Variants in NBPF8 observed in about 807,000 individuals in gnomAD.
NBPF8 encodes the protein NBPF family member NBPF8.
At chr1:120,433,740 A>T (rs1350595856), upstream of NBPF8, 297 of 195,640 alleles carry the variant, frequency 1.5e-3, no homozygotes, top group Middle Eastern at 6.3e-3. Flanking sequence ...GCCCATCAGC[A>T]GGCCTAGCGT....
downstream of NBPF8, among the ~76,000 whole-genome samples, chr1:120,468,107 CT>C (rs1661794878): frequency 6.6e-6 from 1 of 151,178 alleles, no homozygotes; most frequent in South Asian, 2.1e-4. Flanking sequence ...TAAATTATAA[CT>C]TTCAGCATCA....
chr1:120,435,791 G>C (rs1391445144), upstream of NBPF8, among the ~76,000 whole-genome samples: 13 of 151,752 alleles, frequency 8.6e-5, no homozygotes, highest in Non-Finnish European at 1.5e-4. Context: ...GCGTGAACCT[G>C]GGAGGCAGAG....
intron 12 of NBPF8, among the ~76,000 whole-genome samples, chr1:120,451,753 G>A (rs1317623991): frequency 1.0e-3 from 154 of 148,246 alleles, no homozygotes; most frequent in Admixed American, 2.8e-3. Context: ...TCTGTACATG[G>A]CTTTGTATCT....
At chr1:120,454,344 G>C (rs1661374355) in intron 15 of NBPF8, among the ~76,000 whole-genome samples, 1 of 152,076 alleles carries the variant, frequency 6.6e-6, no homozygotes, top group African/African-American at 2.4e-5. Flanking sequence ...ATAGTCACCT[G>C]AGTGCAGGAG....
At chr1:120,453,552 A>G (rs1484497193) in intron 14 of NBPF8, 108 bp downstream of exon 12, 209,035 of 912,974 alleles carry the variant, frequency 0.23, 49,581 homozygotes, top group African/African-American at 0.58. Context: ...GCATTTGCTT[A>G]GCCACAGTAT....
At chr1:120,435,567 G>A (rs1191032968), upstream of NBPF8, among the ~76,000 whole-genome samples, 1 of 140,036 alleles carries the variant, frequency 7.1e-6, no homozygotes, top group East Asian at 1.9e-4. Context: ...AAGTCGGCCG[G>A]GCGCGGTGGC....
chr1:120,456,640 T>A (rs1661444429), intron 16 of NBPF8, among the ~76,000 whole-genome samples: 1 of 140,304 alleles, frequency 7.1e-6, no homozygotes, highest in South Asian at 2.2e-4. Context: ...ATCCCTTTAT[T>A]TTGAGCCTAT....
chr1:120,462,895 T>G (rs1661632013), exon 21 of NBPF8: 1 of 440,972 alleles, frequency 2.3e-6, no homozygotes, highest in Non-Finnish European at 3.8e-6. Flanking sequence ...CTGCCTGACT[T>G]AGGCCAGCCC....
At chr1:120,452,024 T>C in intron 12 of NBPF8, 93 bp from the exon 11 acceptor site, 1 of 1,375,592 alleles carries the variant, frequency 7.3e-7, no homozygotes, top group Non-Finnish European at 1.0e-6. Flanking sequence ...CAAGGTCTCC[T>C]TGAGGACATT....
chr1:120,464,759 C>T (rs1184128458), intron 23 of NBPF8, among the ~76,000 whole-genome samples: 1 of 145,976 alleles, frequency 6.9e-6, no homozygotes, highest in Non-Finnish European at 1.5e-5. Flanking sequence ...TAGTCTCAGG[C>T]CATACCTGTG....
At chr1:120,463,247 G>C (rs1436698120) in intron 21 of NBPF8, among the ~76,000 whole-genome samples, 1 of 143,828 alleles carries the variant, frequency 7.0e-6, no homozygotes, top group Non-Finnish European at 1.5e-5. Context: ...ATTCACAGAA[G>C]TATGATTTGG....
upstream of NBPF8, among the ~76,000 whole-genome samples, chr1:120,417,734 C>T (rs1553245413): frequency 6.5e-4 from 82 of 126,420 alleles, no homozygotes; most frequent in African/African-American, 2.0e-3. Context: ...TGAGTAGCTG[C>T]GACTATAGGA....
intron 16 of NBPF8, among the ~76,000 whole-genome samples, chr1:120,457,803 A>AG (rs1185997805): frequency 1.0e-4 from 6 of 58,558 alleles, no homozygotes; most frequent in African/African-American, 7.3e-4. Context: ...GAAAAAAAAA[A>AG]GAATGTTGAA....
At chr1:120,455,504 T>C in intron 16 of NBPF8, 44 bp downstream of exon 14, 1 of 534,542 alleles carries the variant, frequency 1.9e-6, no homozygotes, top group South Asian at 2.1e-5. Context: ...TAGTGACATC[T>C]GGAGATTGTA....
intron 3 of NBPF8, among the ~76,000 whole-genome samples, chr1:120,428,943 C>T (rs1167755697): frequency 2.0e-5 from 3 of 150,126 alleles, no homozygotes; most frequent in Non-Finnish European, 3.0e-5. Context: ...TGAACACAGA[C>T]TTGGGGATAT....
chr1:120,450,833 C>T (rs1288837266), intron 11 of NBPF8, among the ~76,000 whole-genome samples: 2 of 151,804 alleles, frequency 1.3e-5, no homozygotes, highest in East Asian at 3.9e-4. Context: ...TACTTCATGC[C>T]CCAGTGCAGT....
chr1:120,453,591 G>T, intron 14 of NBPF8, 147 bp downstream of exon 12: 1 of 871,572 alleles, frequency 1.1e-6, no homozygotes, highest in Non-Finnish European at 1.9e-6. Flanking sequence ...TAGACACAGG[G>T]TGCGGTAGCT....
At chr1:120,430,902 T>C (rs1273546785) in intron 3 of NBPF8, among the ~76,000 whole-genome samples, 1 of 151,882 alleles carries the variant, frequency 6.6e-6, no homozygotes, top group African/African-American at 2.4e-5. Context: ...TTGTTATGTT[T>C]AAAAAGTCAG....
intron 14 of NBPF8, 43 bp downstream of exon 12, chr1:120,453,487 T>G: frequency 4.4e-6 from 4 of 912,242 alleles, no homozygotes; most frequent in Non-Finnish European, 7.1e-6. Context: ...TGGTAACATA[T>G]GAGGAATATC....
Sources: gnomAD v4.1 joint callset for allele counts (sites outside exome capture counted in the v4.1 genomes callset) on GRCh38, gnomAD v4.1.1 for gene constraint, MANE v1.5 for transcripts, NCBI Gene and HGNC (gene_info 2026-07-23, HGNC 2026-07-21) for gene names.